Variants in ESD observed in about 807,000 individuals in gnomAD.
The protein encoded by ESD is S-formylglutathione hydrolase.
In ESD, 34 loss-of-function variants were observed where a neutral mutation model predicts 38.1. That is an observed-to-expected ratio of 0.89 (90% CI 0.68 to 1.19). ESD has a LOEUF of 1.19. Ranked by LOEUF, ESD falls within the 50% of genes most tolerant of loss-of-function variation. ESD has a pLI of 0.00. For synonymous variants in ESD, 97 were observed against 107.0 expected (o/e 0.91, Z 0.58); for missense variants, 334 against 327.2 (o/e 1.02, Z -0.16).
At chr13:46,795,740 C>G (rs1248237205) in intron 1 of ESD, among the ~76,000 whole-genome samples, 4 of 150,780 alleles carry the variant, frequency 2.7e-5, no homozygotes, top group Non-Finnish European at 4.4e-5. Context: ...TGTGCAAACA[C>G]AGTCTTTTTT....
At chr13:46,781,950 A>T (rs1453062379) in intron 6 of ESD, among the ~76,000 whole-genome samples, 1 of 151,850 alleles carries the variant, frequency 6.6e-6, no homozygotes, top group Admixed American at 6.6e-5. Context: ...ATTATGCACA[A>T]ATATAATCAA....
Position 46,782,919 on chromosome 13 carries a change from C to T in ESD, c.257-128G>A. On this transcript the variant is annotated intron_variant, in intron 5 of 9. Transcript: ENST00000378720. ...TTCACCAAATGTTGTGAGCTCTCTG[C>T]CTTTTGGAGCACATGATAGGATTAT... The T allele has an allele frequency of 4.4e-6, 5 of 1,136,066 alleles. No homozygotes were observed. The South Asian group carries it at 7.6e-5, about 17-fold the overall frequency. 70.4% of individuals were successfully genotyped at this position (1,136,066 alleles called of 1,614,324 possible).
At chr13:46,771,554 G>A in intron 9 of ESD, 58 bp from the exon 10 acceptor site, 1 of 1,092,852 alleles carries the variant, frequency 9.2e-7, no homozygotes, top group Non-Finnish European at 1.4e-6. Context: ...TCAGTATTAG[G>A]AACATTAAAT....
At chr13:46,794,640 T>C (rs1234091011) in intron 1 of ESD, among the ~76,000 whole-genome samples, 26 of 152,184 alleles carry the variant, frequency 1.7e-4, no homozygotes, top group Admixed American at 1.7e-3. Flanking sequence ...TGTTTTTTTG[T>C]TCCCATTCTC....
At chr13:46,797,676 C>G (rs981457342), upstream of ESD, among the ~76,000 whole-genome samples, 4 of 152,218 alleles carry the variant, frequency 2.6e-5, no homozygotes, top group Non-Finnish European at 4.4e-5. Context: ...CATCAGTTTT[C>G]TGTTTTCTCC....
intron 5 of ESD, 78 bp from the exon 6 acceptor site, chr13:46,782,869 T>C (rs1875057943): frequency 1.9e-6 from 3 of 1,540,702 alleles, no homozygotes; most frequent in Non-Finnish European, 2.6e-6. Flanking sequence ...CAGATGAATC[T>C]GCAAGTCCAT....
intron 2 of ESD, 71 bp from the exon 3 acceptor site, chr13:46,791,491 G>T: frequency 2.7e-6 from 3 of 1,120,302 alleles, no homozygotes; most frequent in African/African-American, 1.6e-5. Context: ...AAAACTAATT[G>T]CCTTCAGATA....
intron 8 of ESD, among the ~76,000 whole-genome samples, chr13:46,779,597 T>C (rs1219535676): frequency 6.6e-6 from 1 of 150,748 alleles, no homozygotes; most frequent in Non-Finnish European, 1.5e-5. Context: ...TTAGAAGTGA[T>C]GTTAATTTAG....
In ESD at chr13:46,789,509, ATGT is replaced by A. The variant is rs1426113948; in HGVS notation, c.68+1834_68+1836del. Among the ~76,000 whole-genome samples the A allele has an allele frequency of 2.6e-5, 4 of 152,284 alleles. No homozygotes were observed. In the East Asian group the frequency reaches 7.7e-4, roughly 29 times the overall value. On this transcript the variant is annotated intron_variant, in intron 3 of 9. Transcript: ENST00000378720. The stretch of plus-strand genomic sequence containing the variant: ...GTTCCCAACACTCTAAAACTTTACT[ATGT>A]TGTTGGTGTAGATCTATTTTCATCC...
chr13:46,793,240 A>G (rs1875458608), intron 2 of ESD, among the ~76,000 whole-genome samples, 157 bp downstream of exon 2: 1 of 152,210 alleles, frequency 6.6e-6, no homozygotes, highest in Non-Finnish European at 1.5e-5. Flanking sequence ...TAGATATGAC[A>G]TACTGTGATA....
intron 6 of ESD, 107 bp from the exon 7 acceptor site, chr13:46,781,722 T>C: frequency 9.6e-7 from 1 of 1,041,788 alleles, no homozygotes; most frequent in Non-Finnish European, 1.4e-6. Flanking sequence ...ATCATAGTCT[T>C]ACAATGGTTT....
At position 46,791,418 on chromosome 13, in the gene ESD, T is replaced by C. The variant is rs2138304455; in HGVS notation, c.-5A>G. On this transcript the variant is annotated splice_region_variant and 5_prime_UTR_variant, in exon 3 of 10. Transcript: ENST00000378720. ...GGAAATCTGCTTCAATGCCATTCTT[T>C]TCCTATTAGTAAAGAGTAATCTCAT... The C allele has an allele frequency of 4.3e-6, 7 of 1,610,768 alleles. No individual in the cohort carries two copies. Among genetic ancestry groups the C allele is most frequent in the African/African-American group, 1.3e-5 (1 of 74,938 alleles).
chr13:46,796,251 C>G (rs1207930133), intron 1 of ESD, among the ~76,000 whole-genome samples: 1 of 152,190 alleles, frequency 6.6e-6, no homozygotes, highest in East Asian at 1.9e-4. Flanking sequence ...CCAGACCCTC[C>G]GGGTTCAAAC....
At chr13:46,791,445 A>T (rs1346236420) in intron 2 of ESD, 25 bp from the exon 3 acceptor site, 3 of 1,558,524 alleles carry the variant, frequency 1.9e-6, no homozygotes, top group Non-Finnish European at 2.6e-6. Flanking sequence ...TAATCTCATT[A>T]ATTTCCAGAG....
chr13:46,787,043 G>C lies in ESD; in HGVS notation c.135C>G (p.Cys45Trp). 1 of 1,571,356 alleles carries C rather than the reference G, an allele frequency of 6.4e-7. No individual in the cohort carries two copies. The highest frequency in any genetic ancestry group is 8.7e-7 in the Non-Finnish European group (1 of 1,151,936). ...TACCTGAGAGCCAATACAGTGCAGG[G>C]CACTTTCCTGTTTCTGCCTTTGGTG... ...YLPPKAETGKCPALYWLSGLT... is the reference protein window; with the variant it reads ...YLPPKAETGKWPALYWLSGLT... Residue 45 changes from cysteine (C) to tryptophan (W), a missense_variant, in exon 4 of 10, where the codon TGC becomes TGG. Coordinates refer to ENST00000378720, the MANE Select transcript of ESD (RefSeq NM_001984.2).
intron 4 of ESD, 29 bp from the exon 5 acceptor site, chr13:46,784,379 A>T: frequency 6.9e-7 from 1 of 1,456,526 alleles, no homozygotes; most frequent in South Asian, 1.1e-5. Flanking sequence ...GTTATTGGGC[A>T]CACATGGACA....
intron 4 of ESD, 33 bp downstream of exon 4, chr13:46,786,988 C>T (rs775543240): frequency 7.3e-5 from 97 of 1,324,168 alleles, no homozygotes; most frequent in Non-Finnish European, 9.6e-5. Flanking sequence ...AAAATAGAAA[C>T]GACTTTATAA....
chr13:46,787,099 T>C lies in ESD; in HGVS notation c.79A>G (p.Asn27Asp). 1 of 1,569,884 alleles carries C rather than the reference T, an allele frequency of 6.4e-7. No individual in the cohort carries two copies. The highest frequency in any genetic ancestry group is 1.2e-5 in the South Asian group (1 of 85,184). Residue 27 changes from asparagine to aspartate, a missense_variant, in exon 4 of 10, where the codon AAC becomes GAC. Coordinates refer to ENST00000378720, the MANE Select transcript of ESD (RefSeq NM_001984.2). ...KVFEHDSVEL[N>D]CKMKFAVYLP... ...TAGACAGCAAATTTCATTTTGCAGT[T>C]TAGTTCAACACTAGTTTTAACAAAA...
In ESD at chr13:46,795,513, C is replaced by G. The variant is rs150117009; in HGVS notation, c.-56+1592G>C. On this transcript the variant is annotated intron_variant, in intron 1 of 9. Coordinates refer to ENST00000378720, the MANE Select transcript of ESD (RefSeq NM_001984.2). ...AATAATGAGCAGATGAGAACTGCCT[C>G]ATCACCCCCTGGCTGCTGCAGGTGG... Among the ~76,000 whole-genome samples, 482 of 152,284 alleles carry G rather than the reference C, an allele frequency of 3.2e-3. 3 individuals are homozygous for G. The highest frequency in any genetic ancestry group is 0.011 in the African/African-American group (447 of 41,548).
Sources: allele counts gnomAD v4.1 joint callset (sites outside exome capture counted in the v4.1 genomes callset), GRCh38; gene constraint gnomAD v4.1.1; transcripts MANE v1.5; gene names NCBI Gene and HGNC (gene_info 2026-07-23, HGNC 2026-07-21).